ANXA8: variants seen among roughly 807,000 people sequenced by gnomAD.
ANXA8 encodes the protein VAC-beta.
In ANXA8, 9 loss-of-function variants were observed where a neutral mutation model predicts 26.8. The ratio of observed to expected loss-of-function variants is 0.34; its 90% CI spans 0.20 to 0.59. The LOEUF (loss-of-function observed/expected upper bound fraction) is 0.59. ANXA8 is among the 20% of genes least tolerant of loss of function. ANXA8 has a pLI of 0.84. For missense variants in ANXA8, 83 were observed against 238.5 expected, an observed-to-expected ratio of 0.35 and a Z score of 4.29; for synonymous variants, 39 against 94.8, an observed-to-expected ratio of 0.41 and a Z score of 3.42.
chr10:47,950,341 G>GA, the ANXA8 span, among the ~76,000 whole-genome samples: 4 of 152,180 alleles, frequency 2.6e-5, no homozygotes, highest in Non-Finnish European at 5.9e-5. Context: ...AGAACAAGTA[G>GA]AAAAAATGAA....
At chr10:47,714,214 TAAGAC>T in the ANXA8 span, among the ~76,000 whole-genome samples, 1 of 94,460 alleles carries the variant, frequency 1.1e-5, no homozygotes, top group Non-Finnish European at 2.0e-5. Flanking sequence ...TATTTTGTAA[TAAGAC>T]AAGAAAGCTA....
the ANXA8 span, among the ~76,000 whole-genome samples, chr10:47,657,457 C>T: frequency 1.3e-5 from 2 of 151,814 alleles, no homozygotes; most frequent in Non-Finnish European, 2.9e-5. Flanking sequence ...TAATTCATAT[C>T]CAAGCTTGAA....
the ANXA8 span, among the ~76,000 whole-genome samples, chr10:47,937,810 A>G: frequency 1.2e-4 from 18 of 147,404 alleles, 1 homozygote; most frequent in South Asian, 6.4e-4. Flanking sequence ...AAAAAAGAAC[A>G]AGATCATGTT....
At chr10:47,554,678 G>A in the ANXA8 span, among the ~76,000 whole-genome samples, 1 of 150,742 alleles carries the variant, frequency 6.6e-6, no homozygotes, top group African/African-American at 2.5e-5. Context: ...AAAAAACTAG[G>A]CCCACTCCTG....
At chr10:47,559,597 T>C in the ANXA8 span, among the ~76,000 whole-genome samples, 2 of 152,050 alleles carry the variant, frequency 1.3e-5, no homozygotes, top group South Asian at 2.1e-4. Context: ...TCTCAAGTAT[T>C]GCCGCAGAGT....
At chr10:47,624,441 A>T in the ANXA8 span, among the ~76,000 whole-genome samples, 1 of 115,484 alleles carries the variant, frequency 8.7e-6, no homozygotes, top group South Asian at 3.0e-4. Flanking sequence ...GAAGTATTGA[A>T]CTATTCAGTA....
At chr10:47,943,606 A>G in the ANXA8 span, among the ~76,000 whole-genome samples, 1 of 151,240 alleles carries the variant, frequency 6.6e-6, no homozygotes, top group South Asian at 2.1e-4. Context: ...TGAGGCCTGC[A>G]GCACAGCTAT....
chr10:47,958,597 G>T, the ANXA8 span, among the ~76,000 whole-genome samples: 1 of 148,350 alleles, frequency 6.7e-6, no homozygotes, highest in African/African-American at 2.6e-5. Context: ...CCTCTAACAG[G>T]CCTGTGGTCT....
chr10:47,639,298 A>T, the ANXA8 span, among the ~76,000 whole-genome samples: 1 of 74,180 alleles, frequency 1.3e-5, no homozygotes, highest in Non-Finnish European at 2.8e-5. Context: ...ACGCCCGGCT[A>T]ATTATTATTA....
the ANXA8 span, among the ~76,000 whole-genome samples, chr10:47,575,239 G>A: frequency 1.5e-5 from 2 of 136,340 alleles, no homozygotes; most frequent in African/African-American, 2.7e-5. Context: ...AAGCAAGAAA[G>A]AAAGAAGGAA....
At chr10:47,657,189 A>C in the ANXA8 span, among the ~76,000 whole-genome samples, 1 of 151,556 alleles carries the variant, frequency 6.6e-6, no homozygotes, top group Admixed American at 6.6e-5. Flanking sequence ...CCAAATAGCT[A>C]TTTCACTTTC....
At chr10:47,984,348 CT>C in the ANXA8 span, among the ~76,000 whole-genome samples, 2 of 150,634 alleles carry the variant, frequency 1.3e-5, no homozygotes, top group Admixed American at 6.6e-5. Flanking sequence ...CATGTTTAGA[CT>C]TTTAAATTTT....
At chr10:47,487,435 G>C, upstream of ANXA8, 2 of 972,156 alleles carry the variant, frequency 2.1e-6, no homozygotes, top group Non-Finnish European at 2.9e-6. Context: ...GAATGTCCTA[G>C]TGATCCACCT....
At chr10:47,489,311 C>A in the ANXA8 span, among the ~76,000 whole-genome samples, 6 of 145,820 alleles carry the variant, frequency 4.1e-5, no homozygotes, top group South Asian at 1.3e-3. Context: ...AGCCACCGCA[C>A]CCTGCCATGT....
the ANXA8 span, among the ~76,000 whole-genome samples, chr10:47,735,477 C>A: frequency 6.7e-6 from 1 of 149,186 alleles, no homozygotes; most frequent in Non-Finnish European, 1.5e-5. Context: ...CCAACCAAAG[C>A]TAATTGCTGC....
chr10:47,653,254 G>A, the ANXA8 span, among the ~76,000 whole-genome samples: 1 of 149,936 alleles, frequency 6.7e-6, no homozygotes, highest in Admixed American at 6.6e-5. Flanking sequence ...AGAGGTTGCA[G>A]TGAGCCGAGA....
At chr10:47,945,501 A>G in the ANXA8 span, among the ~76,000 whole-genome samples, 2 of 150,370 alleles carry the variant, frequency 1.3e-5, no homozygotes, top group African/African-American at 5.0e-5. Flanking sequence ...TCTAAACTCA[A>G]GTCAAAACCA....
the ANXA8 span, among the ~76,000 whole-genome samples, chr10:47,959,893 A>C: frequency 6.6e-6 from 1 of 151,504 alleles, no homozygotes; most frequent in Non-Finnish European, 1.5e-5. Context: ...TGCCTTTCTG[A>C]TCCAGATGCC....
At chr10:47,615,892 G>A in the ANXA8 span, among the ~76,000 whole-genome samples, 2 of 74,702 alleles carry the variant, frequency 2.7e-5, 1 homozygote, top group Non-Finnish European at 6.9e-5. Flanking sequence ...GCATCTGCAT[G>A]GCAGGTAAGC....
Sources: gnomAD v4.1 joint callset for allele counts (sites outside exome capture counted in the v4.1 genomes callset) on GRCh38, gnomAD v4.1.1 for gene constraint, MANE v1.5 for transcripts, NCBI Gene and HGNC (gene_info 2026-07-23, HGNC 2026-07-21) for gene names.